The following ARHGAP24 variants were observed in gnomAD, a reference collection of about 807,000 sequenced individuals.
ARHGAP24 encodes the protein rho GTPase-activating protein 24.
ARHGAP24 carries 50 observed loss-of-function variants against 76.4 expected under a neutral mutation model. That is an observed-to-expected ratio of 0.65 (90% CI 0.52 to 0.83). ARHGAP24 has a LOEUF of 0.83. Among genes scored for constraint, ARHGAP24 ranks in the 40% least tolerant of loss-of-function variants. The probability of loss-of-function intolerance (pLI) is 0.00; values close to 1 mark genes in which losing one functional copy is unlikely to be tolerated. For synonymous variants in ARHGAP24, 345 were observed against 323.3 expected, an observed-to-expected ratio of 1.07 and a Z score of -0.72; for missense variants, 930 against 914.2, an observed-to-expected ratio of 1.02 and a Z score of -0.22.
At chr4:85,904,947 A>G (rs1734691559) in intron 3 of ARHGAP24, among the ~76,000 whole-genome samples, 1 of 152,212 alleles carries the variant, frequency 6.6e-6, no homozygotes, top group Admixed American at 6.5e-5. Flanking sequence ...GGTATAAAAA[A>G]CAAATTACAA....
chr4:85,545,866 C>A (rs190971576), intron 1 of ARHGAP24, among the ~76,000 whole-genome samples: 68 of 152,170 alleles, frequency 4.5e-4, no homozygotes, highest in African/African-American at 1.5e-3. Context: ...ATAACCAAGC[C>A]TACTTTTTGT....
intron 2 of ARHGAP24, among the ~76,000 whole-genome samples, chr4:85,721,581 G>A (rs755353854): frequency 2.6e-5 from 4 of 152,048 alleles, no homozygotes; most frequent in Non-Finnish European, 4.4e-5. Flanking sequence ...AATATGGTGC[G>A]GGTAGAATGC....
chr4:85,796,788 G>A (rs1728360226), intron 3 of ARHGAP24, among the ~76,000 whole-genome samples: 1 of 152,128 alleles, frequency 6.6e-6, no homozygotes, highest in Non-Finnish European at 1.5e-5. Context: ...CTCTGGAGAC[G>A]CTATGGCCTT....
chr4:85,977,725 A>G (rs765145694), intron 8 of ARHGAP24, 34 bp downstream of exon 8: 1 of 1,609,296 alleles, frequency 6.2e-7, no homozygotes, highest in East Asian at 2.2e-5. Flanking sequence ...CCTTATCAAA[A>G]GAAGAAGTAA....
At chr4:85,965,335 C>T (rs1314322185) in intron 5 of ARHGAP24, among the ~76,000 whole-genome samples, 1 of 152,084 alleles carries the variant, frequency 6.6e-6, no homozygotes, top group East Asian at 1.9e-4. Context: ...GACCAGCCCC[C>T]ATGATTCGAT....
At chr4:85,980,683 A>G (rs1315051693) in intron 8 of ARHGAP24, among the ~76,000 whole-genome samples, 1 of 152,218 alleles carries the variant, frequency 6.6e-6, no homozygotes, top group East Asian at 1.9e-4. Flanking sequence ...AATGTTCACT[A>G]CTGGTCCTTG....
intron 3 of ARHGAP24, among the ~76,000 whole-genome samples, chr4:85,808,321 A>G (rs1019067235): frequency 2.0e-5 from 3 of 152,144 alleles, no homozygotes; most frequent in Non-Finnish European, 4.4e-5. Flanking sequence ...TCCCAGCAGC[A>G]TTGTTTTGTA....
chr4:85,532,521 G>T (rs1161051152), intron 1 of ARHGAP24, among the ~76,000 whole-genome samples: 1 of 152,050 alleles, frequency 6.6e-6, no homozygotes, highest in African/African-American at 2.4e-5. Context: ...AATTGGTATT[G>T]TACAGCCATC....
At chr4:85,556,666 G>A (rs1008865953) in intron 1 of ARHGAP24, among the ~76,000 whole-genome samples, 4 of 152,288 alleles carry the variant, frequency 2.6e-5, no homozygotes, top group South Asian at 2.1e-4. Flanking sequence ...AGGCACTGCC[G>A]AGTGAAGGGT....
At chr4:86,000,057 T>C (rs1157644838) in intron 9 of ARHGAP24, 1 of 170,466 alleles carries the variant, frequency 5.9e-6, no homozygotes, top group Non-Finnish European at 1.3e-5. Flanking sequence ...TTTCCTTTTA[T>C]AGAAGGCAAA....
intron 2 of ARHGAP24, among the ~76,000 whole-genome samples, chr4:85,642,272 A>C (rs183032780): frequency 6.6e-6 from 1 of 152,288 alleles, no homozygotes; most frequent in East Asian, 1.9e-4. Flanking sequence ...CCTCAACATC[A>C]TAACAAGGGC....
intron 2 of ARHGAP24, among the ~76,000 whole-genome samples, chr4:85,660,136 T>G (rs889147852): frequency 6.6e-6 from 1 of 152,188 alleles, no homozygotes; most frequent in African/African-American, 2.4e-5. Flanking sequence ...CAATTGAATT[T>G]CTTAATTAAC....
chr4:85,835,465 A>G (rs1730217866), intron 3 of ARHGAP24, among the ~76,000 whole-genome samples: 1 of 148,856 alleles, frequency 6.7e-6, no homozygotes, highest in African/African-American at 2.5e-5. Context: ...CTGAGGCAAG[A>G]GAATGACGTG....
rs73833950 is a variant in ARHGAP24 at position 85,897,455 on chromosome 4, C to T, written c.269-26193C>T. On this transcript the variant is annotated intron_variant, in intron 3 of 9. Coordinates refer to ENST00000395184, the MANE Select transcript of ARHGAP24 (RefSeq NM_001025616.3). ...ACCTGTTGATGGGAAAATGTTAAGG[C>T]ATTATTTATTATTGTTATTATTATT... Among the ~76,000 whole-genome samples the T allele has an allele frequency of 1.1e-3, 175 of 152,196 alleles. 3 individuals are homozygous for T. The highest frequency in any genetic ancestry group is 4.0e-3 in the African/African-American group (165 of 41,530).
At chr4:85,804,280 A>G (rs1020753528) in intron 3 of ARHGAP24, among the ~76,000 whole-genome samples, 4 of 152,318 alleles carry the variant, frequency 2.6e-5, no homozygotes, top group Middle Eastern at 3.4e-3. Context: ...TTGACCCAAT[A>G]ACTTAGTGAA....
intron 3 of ARHGAP24, among the ~76,000 whole-genome samples, chr4:85,799,011 C>T (rs909467784): frequency 7.2e-5 from 11 of 151,878 alleles, no homozygotes; most frequent in African/African-American, 2.7e-4. Flanking sequence ...TAGTATGAAC[C>T]ACCCTATGGT....
intron 3 of ARHGAP24, among the ~76,000 whole-genome samples, chr4:85,797,236 A>G (rs942783267): frequency 3.3e-5 from 5 of 151,598 alleles, no homozygotes; most frequent in African/African-American, 1.2e-4. Context: ...GCAGTGGCGC[A>G]ATCTCGGCTC....
chr4:85,923,470 GTC>G (rs1735844236), intron 3 of ARHGAP24, among the ~76,000 whole-genome samples, 176 bp from the exon 4 acceptor site: 1 of 152,162 alleles, frequency 6.6e-6, no homozygotes, highest in African/African-American at 2.4e-5. Context: ...AAGCATAACA[GTC>G]TCTCCTTTTT....
chr4:85,505,555 A>G (rs575927788), intron 1 of ARHGAP24, among the ~76,000 whole-genome samples: 1 of 152,124 alleles, frequency 6.6e-6, no homozygotes, highest in Non-Finnish European at 1.5e-5. Flanking sequence ...TTCTAATGCC[A>G]TGGTTTTCAG....
Sources: allele counts gnomAD v4.1 joint callset (sites outside exome capture counted in the v4.1 genomes callset), GRCh38; gene constraint gnomAD v4.1.1; transcripts MANE v1.5; gene names NCBI Gene and HGNC (gene_info 2026-07-23, HGNC 2026-07-21).